Variants in ACAP2 observed in about 807,000 individuals in gnomAD.
The protein encoded by ACAP2 is ArfGAP with coiled-coil, ankyrin repeat and PH domains 2.
In ACAP2, 39 loss-of-function variants were observed where a neutral mutation model predicts 115.8. The ratio of observed to expected loss-of-function variants is 0.34; its 90% CI spans 0.26 to 0.44. The LOEUF (loss-of-function observed/expected upper bound fraction) is 0.44, where lower values mean the gene tolerates loss of function less well. ACAP2 is among the 20% of genes least tolerant of loss of function. The pLI, the probability that ACAP2 is intolerant of heterozygous loss-of-function variation, is 1.00. For synonymous variants in ACAP2, 289 were observed against 315.8 expected (o/e 0.92, Z 0.90); for missense variants, 662 against 927.6 (o/e 0.71, Z 3.72).
At chr3:195,394,143 C>G (rs1711553751) in intron 1 of ACAP2, among the ~76,000 whole-genome samples, 2 of 152,150 alleles carry the variant, frequency 1.3e-5, no homozygotes, top group Non-Finnish European at 1.5e-5. Context: ...CCTCCTGGAA[C>G]CCCTCAACCA....
chr3:195,325,381 G>A (rs1038246956), intron 9 of ACAP2: 3 of 423,324 alleles, frequency 7.1e-6, no homozygotes, highest in African/African-American at 4.2e-5. Context: ...ATAACTACAG[G>A]AGACATACTT....
intron 1 of ACAP2, among the ~76,000 whole-genome samples, chr3:195,399,681 A>G (rs1712106404): frequency 6.6e-6 from 1 of 152,096 alleles, no homozygotes; most frequent in African/African-American, 2.4e-5. Flanking sequence ...ACAGTATCCA[A>G]AATAAAAACC....
At chr3:195,390,128 G>A (rs369968096) in intron 2 of ACAP2, among the ~76,000 whole-genome samples, 43 of 152,194 alleles carry the variant, frequency 2.8e-4, no homozygotes, top group African/African-American at 9.9e-4. Flanking sequence ...CCTGGGAGGC[G>A]GAGGTTGCAA....
intron 2 of ACAP2, among the ~76,000 whole-genome samples, chr3:195,388,424 C>A (rs1465052324): frequency 6.6e-6 from 1 of 152,178 alleles, no homozygotes; most frequent in Non-Finnish European, 1.5e-5. Flanking sequence ...TAATTGAACT[C>A]CGTAGAGCAA....
At chr3:195,284,106 A>G (rs1726689205) in intron 22 of ACAP2, among the ~76,000 whole-genome samples, 1 of 152,200 alleles carries the variant, frequency 6.6e-6, no homozygotes, top group Non-Finnish European at 1.5e-5. Context: ...TCGACCACTG[A>G]CCACCTGGCT....
At chr3:195,406,814 G>GTCC (rs1712811105) in intron 1 of ACAP2, among the ~76,000 whole-genome samples, 1 of 152,130 alleles carries the variant, frequency 6.6e-6, no homozygotes, top group African/African-American at 2.4e-5. Context: ...CATAAAACTC[G>GTCC]TAAGTATACA....
At chr3:195,402,698 C>A (rs1262148075) in intron 1 of ACAP2, among the ~76,000 whole-genome samples, 1 of 152,130 alleles carries the variant, frequency 6.6e-6, no homozygotes. Context: ...TCAACACATA[C>A]AATTTATGAT....
rs1716077452 is a variant in ACAP2, at chr3:195,442,409, G to A, written c.53+386C>T. 4 of 311,248 alleles carry A rather than the reference G, an allele frequency of 1.3e-5. No individual in the cohort carries two copies. In the South Asian group the frequency reaches 2.1e-4, roughly 16 times the overall value. 19.3% of individuals were successfully genotyped at this position (311,248 alleles called of 1,614,324 possible). On this transcript the variant is annotated intron_variant, in intron 1 of 22. Coordinates refer to ENST00000326793, the MANE Select transcript of ACAP2 (RefSeq NM_012287.6). Reference sequence around the variant, plus strand: ...GGGGAGGGGGTGGAAACCAAGAAGGGGCGGAAGGAAGGGGGAAGGAAGAGC... The same window carrying A: ...GGGGAGGGGGTGGAAACCAAGAAGGAGCGGAAGGAAGGGGGAAGGAAGAGC...
Position 195,327,018 on chromosome 3 carries a change from A to C in ACAP2, c.670-59T>G, listed in dbSNP as rs553881889. On this transcript the variant is annotated intron_variant, in intron 8 of 22. Coordinates refer to ENST00000326793, the MANE Select transcript of ACAP2 (RefSeq NM_012287.6). Reference sequence around the variant, plus strand: ...AAAAAAAGTATGGATTAGTTTTTCAAACCATATTCCAAATCATTTCACAGA... The same window carrying C: ...AAAAAAAGTATGGATTAGTTTTTCACACCATATTCCAAATCATTTCACAGA... The C allele has an allele frequency of 9.0e-4, 1,264 of 1,406,738 alleles. 2 individuals carry two copies. Among genetic ancestry groups the C allele is most frequent in the Non-Finnish European group, 1.2e-3 (1,194 of 1,005,790 alleles). The allele number at this position is 1,406,738 out of a possible 1,614,324, so 87.1% of individuals were successfully genotyped here.
At position 195,404,687 on chromosome 3, in the gene ACAP2, ATACATACACACATATATAGTT is replaced by A. The variant is rs1490133264; in HGVS notation, c.54-12561_54-12541del. ...CACACACACACACATATATATTTAT[ATACATACACACATATATAGTT>A]TATATACACACACGCACATATGTAT... On this transcript the variant is annotated intron_variant, in intron 1 of 22. Coordinates refer to ENST00000326793, the MANE Select transcript of ACAP2 (RefSeq NM_012287.6). 9.1e-5 allele frequency among the ~76,000 whole-genome samples: 13 copies of A among 142,390 alleles called. No homozygotes were observed. The East Asian group carries it at 2.0e-3, about 21-fold the overall frequency. 93.4% of individuals were successfully genotyped at this position (142,390 alleles called of 152,430 possible). A position where few individuals can be genotyped will look rare whatever the true frequency, so the allele number is the denominator to read the frequency against.
At position 195,408,388 on chromosome 3, in the gene ACAP2, C is replaced by T. The variant is rs191121222; in HGVS notation, c.54-16241G>A. 4.8e-3 allele frequency among the ~76,000 whole-genome samples: 728 copies of T among 151,970 alleles called. 6 individuals are homozygous for T. Among genetic ancestry groups the T allele is most frequent in the African/African-American group, 0.016 (677 of 41,432 alleles). On this transcript the variant is annotated intron_variant, in intron 1 of 22. Transcript: ENST00000326793. ...CTGAGGCACAAAAATCACTTGAGCC[C>T]GAAAAGCAGAAGTTGCAGTGAGTAG...
chr3:195,405,179 C>A (rs1400175650), intron 1 of ACAP2, among the ~76,000 whole-genome samples: 5 of 152,152 alleles, frequency 3.3e-5, no homozygotes, highest in African/African-American at 1.2e-4. Context: ...AGACAAGGTA[C>A]GGACAGATCG....
At chr3:195,440,356 T>G (rs1160204021) in intron 1 of ACAP2, among the ~76,000 whole-genome samples, 1 of 152,246 alleles carries the variant, frequency 6.6e-6, no homozygotes, top group African/African-American at 2.4e-5. Flanking sequence ...TCCCCTTGTA[T>G]TCTCCTCATT....
chr3:195,374,899 T>A (rs1450387347), intron 4 of ACAP2, among the ~76,000 whole-genome samples: 1 of 151,944 alleles, frequency 6.6e-6, no homozygotes, highest in Non-Finnish European at 1.5e-5. Flanking sequence ...CCTTATTTTT[T>A]AAAACATCTG....
chr3:195,441,210 C>T (rs1379480480), intron 1 of ACAP2, among the ~76,000 whole-genome samples: 1 of 151,922 alleles, frequency 6.6e-6, no homozygotes, highest in Non-Finnish European at 1.5e-5. Flanking sequence ...GATTATTTCA[C>T]TTAAAAATAA....
At position 195,353,478 on chromosome 3, in the gene ACAP2, T is replaced by C. The variant is rs146633407; in HGVS notation, c.286-8161A>G. On this transcript the variant is annotated intron_variant, in intron 4 of 22. Transcript: ENST00000326793. ...TGAAGGACTGAAACATGCAATATAA[T>C]TGGACCTCAAAATAACACTGAAGAA... Among the ~76,000 whole-genome samples, 978 of 152,282 alleles carry C rather than the reference T, an allele frequency of 6.4e-3. 12 individuals are homozygous for C. The highest frequency in any genetic ancestry group is 0.022 in the African/African-American group (915 of 41,554).
chr3:195,282,406 A>AT (rs1187507521), intron 22 of ACAP2: 1 of 152,260 alleles, frequency 6.6e-6, no homozygotes, highest in Non-Finnish European at 1.5e-5. Context: ...TTTTGTTAAC[A>AT]TTTAGTTTCT....
intron 1 of ACAP2, among the ~76,000 whole-genome samples, chr3:195,426,310 G>A (rs563286620): frequency 8.5e-4 from 130 of 152,220 alleles, no homozygotes; most frequent in Middle Eastern, 3.4e-3. Flanking sequence ...TTCCCAACAG[G>A]AAGACAGGCA....
At chr3:195,377,288 G>A (rs1014755825) in intron 4 of ACAP2, among the ~76,000 whole-genome samples, 7 of 151,788 alleles carry the variant, frequency 4.6e-5, no homozygotes, top group Admixed American at 3.3e-4. Context: ...GGGATTACAG[G>A]CATGAGCCAC....
Sources: gnomAD v4.1 joint callset for allele counts (sites outside exome capture counted in the v4.1 genomes callset) on GRCh38, gnomAD v4.1.1 for gene constraint, MANE v1.5 for transcripts, NCBI Gene and HGNC (gene_info 2026-07-23, HGNC 2026-07-21) for gene names.